Variants in DPP10 observed in about 807,000 individuals in gnomAD.
The protein encoded by DPP10 is inactive dipeptidyl peptidase 10.
In DPP10, 33 loss-of-function variants were observed where a neutral mutation model predicts 120.9. The observed-to-expected ratio is 0.27, with a 90% CI of 0.21 to 0.37. The LOEUF (loss-of-function observed/expected upper bound fraction) is 0.37, where lower values mean the gene tolerates loss of function less well. DPP10 is among the 10% of genes least tolerant of loss of function. The pLI is 1.00. For synonymous variants in DPP10, 337 were observed against 326.1 expected, an observed-to-expected ratio of 1.03 and a Z score of -0.36; for missense variants, 816 against 942.8, an observed-to-expected ratio of 0.87 and a Z score of 1.76.
intron 1 of DPP10, among the ~76,000 whole-genome samples, chr2:114,481,286 T>C (rs1681022424): frequency 6.6e-6 from 1 of 151,990 alleles, no homozygotes; most frequent in Non-Finnish European, 1.5e-5. Flanking sequence ...CCCAGGACTA[T>C]ATACAGATAA....
At chr2:114,474,027 G>A (rs193285474) in intron 1 of DPP10, among the ~76,000 whole-genome samples, 10 of 152,142 alleles carry the variant, frequency 6.6e-5, no homozygotes, top group South Asian at 2.1e-4. Flanking sequence ...GCACAATCTC[G>A]GCTCACTGCA....
chr2:114,585,897 A>T (rs1690941568), intron 1 of DPP10, among the ~76,000 whole-genome samples: 1 of 152,214 alleles, frequency 6.6e-6, no homozygotes, highest in Non-Finnish European at 1.5e-5. Context: ...ACACATAGAA[A>T]ATTGAGAATG....
chr2:115,427,018 T>G (rs2070536151), intron 3 of DPP10, among the ~76,000 whole-genome samples: 1 of 152,232 alleles, frequency 6.6e-6, no homozygotes, highest in Non-Finnish European at 1.5e-5. Context: ...AGAAAGGGGC[T>G]GCAGGCCCCA....
chr2:115,582,975 TATC>T (rs2082084373), intron 5 of DPP10, among the ~76,000 whole-genome samples: 1 of 152,240 alleles, frequency 6.6e-6, no homozygotes, highest in Non-Finnish European at 1.5e-5. Flanking sequence ...TAAATTATCT[TATC>T]ATCTTGCAAC....
intron 1 of DPP10, among the ~76,000 whole-genome samples, chr2:114,689,086 A>G (rs1699564465): frequency 6.7e-6 from 1 of 150,182 alleles, no homozygotes; most frequent in Non-Finnish European, 1.5e-5. Flanking sequence ...TTCAACTGTT[A>G]TTTTAAGTTC....
intron 3 of DPP10, among the ~76,000 whole-genome samples, chr2:115,490,803 C>G (rs2076069099): frequency 6.6e-6 from 1 of 152,166 alleles, no homozygotes; most frequent in Non-Finnish European, 1.5e-5. Flanking sequence ...CACTAAAACA[C>G]TAAGGAAGAC....
intron 1 of DPP10, among the ~76,000 whole-genome samples, chr2:115,145,859 G>T (rs1430957691): frequency 6.6e-6 from 1 of 151,998 alleles, no homozygotes; most frequent in Non-Finnish European, 1.5e-5. Context: ...ATATGTAGTT[G>T]TATCTCATTG....
At chr2:115,457,048 TGTG>T (rs1366388293) in intron 3 of DPP10, among the ~76,000 whole-genome samples, 1 of 151,928 alleles carries the variant, frequency 6.6e-6, no homozygotes, top group African/African-American at 2.4e-5. Context: ...GCCAAGAAAA[TGTG>T]GTACTATCAT....
At chr2:115,396,269 T>G (rs2067670660) in intron 3 of DPP10, among the ~76,000 whole-genome samples, 1 of 152,178 alleles carries the variant, frequency 6.6e-6, no homozygotes. Flanking sequence ...GTACAGAACT[T>G]TTTTAGAAAT....
chr2:115,367,014 G>A (rs939778182), intron 3 of DPP10, among the ~76,000 whole-genome samples: 1 of 151,904 alleles, frequency 6.6e-6, no homozygotes, highest in Non-Finnish European at 1.5e-5. Context: ...TCCTATATAC[G>A]AAGATATTTT....
At chr2:115,343,701 T>G (rs1309913319) in intron 2 of DPP10, 116 bp from the exon 3 acceptor site, 1 of 570,418 alleles carries the variant, frequency 1.8e-6, no homozygotes, top group Admixed American at 3.4e-5. Flanking sequence ...AAATGGTCAC[T>G]TTATATTGTT....
At chr2:114,746,189 C>T (rs547556949) in intron 1 of DPP10, among the ~76,000 whole-genome samples, 34 of 152,248 alleles carry the variant, frequency 2.2e-4, no homozygotes, top group African/African-American at 8.2e-4. Flanking sequence ...TTTTATTCAC[C>T]TCTCTTTCAT....
intron 7 of DPP10, among the ~76,000 whole-genome samples, chr2:115,705,728 A>C (rs1435022030): frequency 6.6e-6 from 1 of 151,916 alleles, no homozygotes; most frequent in Non-Finnish European, 1.5e-5. Flanking sequence ...ATTCATCTTC[A>C]TTAGTGAAGA....
At chr2:115,266,874 A>C (rs1353145896) in intron 1 of DPP10, among the ~76,000 whole-genome samples, 1 of 152,238 alleles carries the variant, frequency 6.6e-6, no homozygotes, top group East Asian at 1.9e-4. Flanking sequence ...GGGTATAAGC[A>C]AAAGCTCTTG....
intron 1 of DPP10, among the ~76,000 whole-genome samples, chr2:114,737,366 A>G (rs537211072): frequency 6.6e-6 from 1 of 152,340 alleles, no homozygotes; most frequent in South Asian, 2.1e-4. Flanking sequence ...CCCAGAAGAC[A>G]TCTTGCAGTT....
chr2:114,808,763 T>C (rs1297485204), intron 1 of DPP10, among the ~76,000 whole-genome samples: 2 of 152,094 alleles, frequency 1.3e-5, no homozygotes, highest in African/African-American at 4.8e-5. Context: ...TTGTACCTGC[T>C]CTTTCCTCTC....
chr2:114,539,522 C>T (rs1341154109), intron 1 of DPP10, among the ~76,000 whole-genome samples: 1 of 152,144 alleles, frequency 6.6e-6, no homozygotes, highest in East Asian at 1.9e-4. Flanking sequence ...TCTTCCAGTT[C>T]TTGCATATTC....
At chr2:115,490,043 C>T (rs4849398) in intron 3 of DPP10, among the ~76,000 whole-genome samples, 63,598 of 151,988 alleles carry the variant, frequency 0.42, 14,136 homozygotes, top group East Asian at 0.65. Context: ...AATCTTTGAC[C>T]CCACTGATGA....
chr2:115,534,164 G>A (rs2078651900), intron 5 of DPP10, among the ~76,000 whole-genome samples: 2 of 151,298 alleles, frequency 1.3e-5, no homozygotes, highest in Non-Finnish European at 2.9e-5. Flanking sequence ...CAATGTGCAG[G>A]TTAGTTACAT....
Sources: gnomAD v4.1 joint callset for allele counts (sites outside exome capture counted in the v4.1 genomes callset) on GRCh38, gnomAD v4.1.1 for gene constraint, MANE v1.5 for transcripts, NCBI Gene and HGNC (gene_info 2026-07-23, HGNC 2026-07-21) for gene names.